The following FRMD4A variants were observed in gnomAD, a reference collection of about 807,000 sequenced individuals.
FRMD4A encodes FERM domain-containing protein 4A.
FRMD4A carries 29 observed loss-of-function variants against 129.1 expected under a neutral mutation model. The ratio of observed to expected loss-of-function variants is 0.22; its 90% CI spans 0.17 to 0.31. The LOEUF is 0.31. FRMD4A is among the 10% of genes least tolerant of loss of function. FRMD4A has a pLI of 1.00. For synonymous variants in FRMD4A, 634 were observed against 571.6 expected (o/e 1.11, Z -1.56); for missense variants, 1,272 against 1,375.8 (o/e 0.92, Z 1.19).
chr10:14,162,833 C>G (rs1216680570), intron 2 of FRMD4A, among the ~76,000 whole-genome samples: 2 of 152,006 alleles, frequency 1.3e-5, no homozygotes, highest in African/African-American at 2.4e-5. Flanking sequence ...ATGACGTGCC[C>G]AAGAGCCTTA....
intron 8 of FRMD4A, among the ~76,000 whole-genome samples, chr10:13,756,599 A>C (rs1252283846): frequency 6.6e-6 from 1 of 152,186 alleles, no homozygotes; most frequent in African/African-American, 2.4e-5. Context: ...TCCTGGCCTC[A>C]AGCAATCCAT....
At chr10:14,127,917 T>C (rs185192420) in intron 2 of FRMD4A, among the ~76,000 whole-genome samples, 3 of 2,924 alleles carry the variant, frequency 1.0e-3, no homozygotes, top group East Asian at 9.9e-3. Context: ...TTTCTTTCTT[T>C]CTTTCTTTCT....
At chr10:13,655,462 TAAA>T (rs890479734) in intron 22 of FRMD4A, 5 of 152,196 alleles carry the variant, frequency 3.3e-5, no homozygotes, top group African/African-American at 7.2e-5. Context: ...AGAAGGAACA[TAAA>T]GAAGGTTCTG....
chr10:13,995,192 C>T (rs531533893), intron 2 of FRMD4A, among the ~76,000 whole-genome samples: 4 of 152,226 alleles, frequency 2.6e-5, no homozygotes, highest in South Asian at 2.1e-4. Context: ...CACAGAGTCC[C>T]GAAGATATTT....
chr10:13,884,220 A>ACTCACACACACTCACACACACTCT (rs2094591219), intron 2 of FRMD4A, among the ~76,000 whole-genome samples: 2 of 77,530 alleles, frequency 2.6e-5, no homozygotes, highest in South Asian at 9.5e-4. Context: ...ACACACACAC[A>ACTCACACACACTCACACACACTCT]CACACACACA....
chr10:13,724,674 T>C, intron 12 of FRMD4A, among the ~76,000 whole-genome samples: 1 of 152,210 alleles, frequency 6.6e-6, no homozygotes, highest in South Asian at 2.1e-4. Context: ...AGCCAGCCAG[T>C]CTCAGGGCGG....
At chr10:14,075,995 C>A (rs1421036695) in intron 2 of FRMD4A, among the ~76,000 whole-genome samples, 14 of 152,168 alleles carry the variant, frequency 9.2e-5, no homozygotes, top group Admixed American at 9.2e-4. Flanking sequence ...TTTTGAACCA[C>A]AGGAGGATGG....
At chr10:13,815,444 C>A (rs958361779) in intron 3 of FRMD4A, among the ~76,000 whole-genome samples, 2 of 151,966 alleles carry the variant, frequency 1.3e-5, no homozygotes, top group African/African-American at 4.8e-5. Flanking sequence ...CATTTCTGTA[C>A]TGGATGATGA....
intron 2 of FRMD4A, among the ~76,000 whole-genome samples, chr10:14,276,415 C>T (rs1041459085): frequency 6.6e-6 from 1 of 152,216 alleles, no homozygotes; most frequent in African/African-American, 2.4e-5. Context: ...TGGCACAAAC[C>T]TCACCACACG....
At chr10:13,745,555 A>AGT (rs1353250272) in intron 9 of FRMD4A, among the ~76,000 whole-genome samples, 2 of 152,096 alleles carry the variant, frequency 1.3e-5, no homozygotes, top group Non-Finnish European at 2.9e-5. Context: ...AGACAGAGAG[A>AGT]GTGTGTGTGA....
At chr10:13,998,158 T>A (rs2095629552) in intron 2 of FRMD4A, among the ~76,000 whole-genome samples, 1 of 152,152 alleles carries the variant, frequency 6.6e-6, no homozygotes, top group Admixed American at 6.5e-5. Flanking sequence ...TTTCTTTCCA[T>A]CCACACACAT....
At chr10:13,825,089 C>A (rs529711515) in intron 3 of FRMD4A, among the ~76,000 whole-genome samples, 1 of 152,014 alleles carries the variant, frequency 6.6e-6, no homozygotes, top group Non-Finnish European at 1.5e-5. Flanking sequence ...GCTTTTTGTC[C>A]TATACATACA....
intron 6 of FRMD4A, among the ~76,000 whole-genome samples, chr10:13,779,340 T>G (rs1462096826): frequency 6.6e-6 from 1 of 151,998 alleles, no homozygotes; most frequent in Non-Finnish European, 1.5e-5. Flanking sequence ...AAAAGACTTA[T>G]TTAATCTTCC....
At chr10:13,986,644 T>TAAC (rs1453331872) in intron 2 of FRMD4A, among the ~76,000 whole-genome samples, 1 of 133,846 alleles carries the variant, frequency 7.5e-6, no homozygotes, top group Non-Finnish European at 1.6e-5. Context: ...ACTTAAAGTA[T>TAAC]AACAATAATA....
intron 2 of FRMD4A, among the ~76,000 whole-genome samples, chr10:13,992,371 G>A (rs1430629085): frequency 6.6e-6 from 1 of 152,134 alleles, no homozygotes; most frequent in Admixed American, 6.5e-5. Flanking sequence ...CCGGATTCAT[G>A]AGTCTTTAGC....
chr10:13,808,673 C>A (rs1364769415), intron 4 of FRMD4A, among the ~76,000 whole-genome samples: 2 of 152,210 alleles, frequency 1.3e-5, no homozygotes, highest in Non-Finnish European at 1.5e-5. Flanking sequence ...CTCCTCTGGG[C>A]TCCTGACACC....
intron 15 of FRMD4A, chr10:13,684,257 C>T (rs2084877630): frequency 1.1e-6 from 1 of 911,016 alleles, no homozygotes; most frequent in South Asian, 5.0e-5. Context: ...ACGAGGAAGA[C>T]AAAAAGGGCT....
chr10:13,975,757 CTA>C (rs991132910), intron 2 of FRMD4A, among the ~76,000 whole-genome samples: 3 of 143,564 alleles, frequency 2.1e-5, no homozygotes, highest in Non-Finnish European at 4.4e-5. Context: ...TCTTGTGTTT[CTA>C]TGTGTGTGTG....
At chr10:13,845,193 T>G (rs1429348224) in intron 3 of FRMD4A, among the ~76,000 whole-genome samples, 1 of 152,226 alleles carries the variant, frequency 6.6e-6, no homozygotes, top group Non-Finnish European at 1.5e-5. Flanking sequence ...TCCACTTATT[T>G]AGATGGTAAT....
Sources: allele counts gnomAD v4.1 joint callset (sites outside exome capture counted in the v4.1 genomes callset), GRCh38; gene constraint gnomAD v4.1.1; transcripts MANE v1.5; gene names NCBI Gene and HGNC (gene_info 2026-07-23, HGNC 2026-07-21).